CAPN13: variants seen among roughly 807,000 people sequenced by gnomAD.
CAPN13 encodes the protein calpain-13.
In CAPN13, 90 loss-of-function variants were observed where a neutral mutation model predicts 98.4. The observed-to-expected ratio is 0.92, with a 90% CI of 0.77 to 1.09. The LOEUF is 1.09. Among genes scored for constraint, CAPN13 ranks in the 50% least tolerant of loss-of-function variants. The probability of loss-of-function intolerance (pLI) is 0.00; values close to 1 mark genes in which losing one functional copy is unlikely to be tolerated. For missense variants in CAPN13, 887 were observed against 841.3 expected (o/e 1.05, Z -0.67); for synonymous variants, 330 against 305.5 (o/e 1.08, Z -0.84).
chr2:30,729,119 G>T (rs192852394), intron 22 of CAPN13, among the ~76,000 whole-genome samples: 1 of 152,152 alleles, frequency 6.6e-6, no homozygotes, highest in African/African-American at 2.4e-5. Context: ...AGGAAGAAGT[G>T]GGGAGATAGT....
intron 10 of CAPN13, among the ~76,000 whole-genome samples, chr2:30,752,057 A>C (rs560446499): frequency 1.6e-4 from 25 of 152,348 alleles, no homozygotes; most frequent in Middle Eastern, 6.8e-3. Context: ...CAGCTCAGGA[A>C]GAGGAATCAG....
intron 17 of CAPN13, 35 bp downstream of exon 17, chr2:30,738,200 G>A (rs1170941833): frequency 1.2e-6 from 2 of 1,612,256 alleles, no homozygotes; most frequent in African/African-American, 2.7e-5. Context: ...GCTGAGGGGT[G>A]CTCAGAGCAT....
rs998849215 is a variant in CAPN13, at chr2:30,763,999, G to A, written c.699+133C>T. ...ACTGCAGGGTTCAATGGGGTGACCCGGGTAAAGCACGCTATCAGTGTTCGT... is the reference window on the plus strand; with the variant it reads ...ACTGCAGGGTTCAATGGGGTGACCCAGGTAAAGCACGCTATCAGTGTTCGT... On this transcript the variant is annotated intron_variant, in intron 6 of 22. Coordinates refer to ENST00000295055, the MANE Select transcript of CAPN13 (RefSeq NM_144575.3). 9.2e-6 allele frequency: 8 copies of A among 871,696 alleles called. No homozygotes were observed. The Middle Eastern group carries it at 9.3e-4, about 102-fold the overall frequency. The allele number at this position is 871,696 out of a possible 1,614,324, so 54.0% of individuals were successfully genotyped here.
At position 30,732,525 on chromosome 2, in the gene CAPN13, G is replaced by C. The variant is rs1274811370; in HGVS notation, c.1840C>G (p.Leu614Val). Residue 614 changes from leucine (L) to valine (V), a missense_variant, in exon 20 of 23, where the codon CTG (leucine) becomes GTG (valine). Physicochemically the swap from Leu to Val is conservative, Grantham distance 32. Transcript: ENST00000295055. ...GIFISRELLH[L>V]VTLRYSDSVG... The stretch of plus-strand genomic sequence containing the variant: ...CTGTCGCTGTACCTGAGGGTCACCA[G>C]ATGCAGCAGCTCACGGCTGATGAAG... 1 of 1,611,538 alleles carries C rather than the reference G, an allele frequency of 6.2e-7. No individual in the cohort carries two copies. Among genetic ancestry groups the C allele is most frequent in the African/African-American group, 1.3e-5 (1 of 75,028 alleles).
intron 5 of CAPN13, among the ~76,000 whole-genome samples, chr2:30,766,969 AC>A (rs563123386): frequency 1.8e-4 from 28 of 152,344 alleles, no homozygotes; most frequent in South Asian, 4.1e-4. Flanking sequence ...CTCCATCTGG[AC>A]AGATGGGCTC....
Position 30,749,473 on chromosome 2 carries a change from G to A in CAPN13, c.1236+1630C>T, listed in dbSNP as rs10211502. On this transcript the variant is annotated intron_variant, in intron 11 of 22. Coordinates refer to ENST00000295055, the MANE Select transcript of CAPN13 (RefSeq NM_144575.3). ...GCCATGTCTGGGGTACCCAGGAGCCGTGTCTGTCCATAAATGCACTGACAC... is the reference window on the plus strand; with the variant it reads ...GCCATGTCTGGGGTACCCAGGAGCCATGTCTGTCCATAAATGCACTGACAC... Among the ~76,000 whole-genome samples the A allele has an allele frequency of 6.5e-3, 984 of 152,304 alleles. 11 individuals carry two copies. The highest frequency in any genetic ancestry group is 0.022 in the African/African-American group (913 of 41,556).
chr2:30,777,543 G>C, intron 3 of CAPN13, 24 bp downstream of exon 3: 1 of 1,555,874 alleles, frequency 6.4e-7, no homozygotes, highest in Non-Finnish European at 8.7e-7. Context: ...TCCAGGGCAC[G>C]GAGGGAAGAT....
intron 2 of CAPN13, among the ~76,000 whole-genome samples, chr2:30,785,979 A>G (rs1488644498): frequency 6.6e-6 from 1 of 152,114 alleles, no homozygotes; most frequent in Non-Finnish European, 1.5e-5. Context: ...ACCCTACCTG[A>G]TCCCTAACCC....
chr2:30,786,101 C>T (rs1674263426), intron 2 of CAPN13, among the ~76,000 whole-genome samples: 1 of 152,140 alleles, frequency 6.6e-6, no homozygotes, highest in Non-Finnish European at 1.5e-5. Context: ...AATTAGATAT[C>T]CACAGACCAG....
chr2:30,751,038 T>C (rs934514811), intron 11 of CAPN13, 65 bp downstream of exon 11: 4 of 1,558,326 alleles, frequency 2.6e-6, no homozygotes, highest in Admixed American at 1.8e-5. Context: ...GCCAGAGCTG[T>C]TCTCCCCAAC....
intron 1 of CAPN13, among the ~76,000 whole-genome samples, chr2:30,805,043 G>T (rs949493085): frequency 6.6e-6 from 1 of 152,094 alleles, no homozygotes; most frequent in African/African-American, 2.4e-5. Context: ...CAAGGAAGTG[G>T]CTCTTCTGAC....
chr2:30,776,730 C>T (rs563476139), intron 3 of CAPN13, among the ~76,000 whole-genome samples: 1 of 152,288 alleles, frequency 6.6e-6, no homozygotes, highest in Non-Finnish European at 1.5e-5. Flanking sequence ...CCTCTCCTCC[C>T]CTCCCTGAGT....
intron 13 of CAPN13, 134 bp downstream of exon 13, chr2:30,743,249 A>C: frequency 1.2e-6 from 1 of 808,522 alleles, no homozygotes; most frequent in South Asian, 1.6e-5. Flanking sequence ...GCTGCTCTAG[A>C]GTGGGGCCAA....
chr2:30,726,792 T>C (rs1353662694), intron 22 of CAPN13, among the ~76,000 whole-genome samples: 1 of 152,158 alleles, frequency 6.6e-6, no homozygotes, highest in South Asian at 2.1e-4. Context: ...TTCCCCAGAT[T>C]GACCTTTAGA....
In CAPN13 at chr2:30,763,252, C is replaced by T. The variant is rs183869031; in HGVS notation, c.700-96G>A. ...CAAACAGCCACTGAGCCATCTGGGC[C>T]TCACTGACTCACTTGGGACTGGTAT... is the stretch of plus-strand genomic sequence containing the variant. On this transcript the variant is annotated intron_variant, in intron 6 of 22. Coordinates refer to ENST00000295055, the MANE Select transcript of CAPN13 (RefSeq NM_144575.3). The T allele has an allele frequency of 2.1e-4, 210 of 1,013,462 alleles. 1 individual carries two copies. In the African/African-American group the frequency reaches 3.2e-3, roughly 15 times the overall value. 62.8% of individuals were successfully genotyped at this position (1,013,462 alleles called of 1,614,324 possible).
intron 2 of CAPN13, 42 bp from the exon 3 acceptor site, chr2:30,777,681 C>G: frequency 7.0e-7 from 1 of 1,437,524 alleles, no homozygotes; most frequent in South Asian, 1.2e-5. Flanking sequence ...TCGTTTATTC[C>G]TTTGTATCCC....
chr2:30,776,111 A>C, intron 3 of CAPN13, 66 bp from the exon 4 acceptor site: 1 of 1,036,166 alleles, frequency 9.7e-7, no homozygotes. Flanking sequence ...CCATAATTTC[A>C]AAGGTCCTTA....
At chr2:30,759,075 C>G (rs553762336) in intron 7 of CAPN13, among the ~76,000 whole-genome samples, 28 of 66,460 alleles carry the variant, frequency 4.2e-4, no homozygotes, top group African/African-American at 1.5e-3. Flanking sequence ...TCCCTCCTCC[C>G]TCCCTTCCTC....
At chr2:30,741,831 G>C (rs1428023725) in intron 15 of CAPN13, 77 bp downstream of exon 15, 1 of 1,609,128 alleles carries the variant, frequency 6.2e-7, no homozygotes, top group African/African-American at 1.3e-5. Context: ...TCCCAGTAAG[G>C]GCCTGTGAGA....
Sources: allele counts gnomAD v4.1 joint callset (sites outside exome capture counted in the v4.1 genomes callset), GRCh38; gene constraint gnomAD v4.1.1; transcripts MANE v1.5; gene names NCBI Gene and HGNC (gene_info 2026-07-23, HGNC 2026-07-21).